The following ZNF395 variants were observed in gnomAD, a reference collection of about 807,000 sequenced individuals.
ZNF395 encodes the protein HD gene regulatory region-binding protein 2.
ZNF395 carries 20 observed loss-of-function variants against 57.7 expected under a neutral mutation model. That is an observed-to-expected ratio of 0.35 (90% CI 0.24 to 0.50). ZNF395 has a LOEUF of 0.50. ZNF395 is among the 20% of genes least tolerant of loss of function. The pLI is 0.97. For missense variants in ZNF395, 606 were observed against 671.2 expected, an observed-to-expected ratio of 0.90 and a Z score of 1.07; for synonymous variants, 295 against 275.9, an observed-to-expected ratio of 1.07 and a Z score of -0.69.
chr8:28,349,022 T>C, intron 9 of ZNF395, 103 bp downstream of exon 9: 1 of 1,272,928 alleles, frequency 7.9e-7, no homozygotes, highest in African/African-American at 1.5e-5. Context: ...GGCTCCTCTC[T>C]GGGGACTAAC....
chr8:28,360,648 G>A (rs932761102), intron 2 of ZNF395, among the ~76,000 whole-genome samples: 9 of 152,236 alleles, frequency 5.9e-5, no homozygotes, highest in Non-Finnish European at 8.8e-5. Flanking sequence ...AGCCCACAGC[G>A]TCTGATGCTA....
intron 1 of ZNF395, among the ~76,000 whole-genome samples, chr8:28,364,437 A>C (rs1240240959): frequency 6.6e-6 from 1 of 152,194 alleles, no homozygotes; most frequent in East Asian, 1.9e-4. Context: ...AGATCACTTG[A>C]GGTCGGGAGG....
rs1341654705 is a variant in ZNF395 at position 28,352,651 on chromosome 8, T to A, written c.842A>T (p.Lys281Met). ...TTTGCCACAGTTTGGCCACAGGCACTTGTACATCACCTTCACAGAGTTCTA... is the reference window on the plus strand; with the variant it reads ...TTTGCCACAGTTTGGCCACAGGCACATGTACATCACCTTCACAGAGTTCTA... ...KRKNSVKVMY[K>M]CLWPNCGKVL... The change falls in exon 6 of 10, where the codon AAG (lysine) becomes ATG (methionine). Residue 281 changes from lysine to methionine, a missense_variant. Lys to Met is a moderately conservative substitution (Grantham distance 95, BLOSUM62 -1). This residue lies in a region of ZNF395 where 309 missense variants were observed against 374.7 expected (regional missense o/e 0.82). Transcript: ENST00000344423. This position sits in a 1 kb window ranked among gnomAD's most constrained non-coding sequence, Gnocchi z 4.0. The A allele has an allele frequency of 2.5e-6, 4 of 1,614,170 alleles. No homozygotes were observed. Among genetic ancestry groups the A allele is most frequent in the Non-Finnish European group, 2.5e-6 (3 of 1,179,996 alleles).
At chr8:28,357,904 G>T (rs1163188260) in intron 3 of ZNF395, among the ~76,000 whole-genome samples, 2 of 152,076 alleles carry the variant, frequency 1.3e-5, no homozygotes, top group African/African-American at 4.8e-5. Flanking sequence ...AATCTTAAAA[G>T]ATCAATGTAC....
rs1027748300 is a variant in ZNF395, at chr8:28,356,874, C to T, written c.474-95G>A. On this transcript the variant is annotated intron_variant, in intron 3 of 9. Transcript: ENST00000344423. This position sits in a 1 kb window ranked among gnomAD's most constrained non-coding sequence, Gnocchi z 4.0. ...GACACCACTTCTGGCTGGTTTCACA[C>T]AATCATCTTACACTTCTGGACTGTC... The T allele has an allele frequency of 1.0e-5, 10 of 975,120 alleles. No individual in the cohort carries two copies. In the African/African-American group the frequency reaches 1.3e-4, roughly 13 times the overall value. 60.4% of individuals were successfully genotyped at this position (975,120 alleles called of 1,614,324 possible). A position where few individuals can be genotyped will look rare whatever the true frequency, so the allele number is the denominator to read the frequency against.
chr8:28,357,008 T>C (rs1801788594), intron 3 of ZNF395, among the ~76,000 whole-genome samples: 1 of 152,194 alleles, frequency 6.6e-6, no homozygotes, highest in Non-Finnish European at 1.5e-5. Context: ...TTCTGAGTGA[T>C]GCTTCTAATA....
chr8:28,349,011 G>T, intron 9 of ZNF395, 114 bp downstream of exon 9: 2 of 1,199,828 alleles, frequency 1.7e-6, no homozygotes, highest in Non-Finnish European at 2.4e-6. Flanking sequence ...TCCGCCATCT[G>T]GGCTCCTCTC....
rs1264241708 is a variant in ZNF395 at position 28,356,298 on chromosome 8, A to G, written c.583+372T>C. Among the ~76,000 whole-genome samples, 1 of 152,214 alleles carries G rather than the reference A, an allele frequency of 6.6e-6. No individual in the cohort carries two copies. The highest frequency in any genetic ancestry group is 1.5e-5 in the Non-Finnish European group (1 of 68,036). On this transcript the variant is annotated intron_variant, in intron 4 of 9. Transcript: ENST00000344423. The surrounding 1 kb of genome is among the most constrained non-coding windows in gnomAD (Gnocchi z 4.0). The stretch of plus-strand genomic sequence containing the variant: ...ATGAGGGCATGAATTTTCTGAGGCC[A>G]CTAGGAGACCATTTAGCATATTGCT...
In ZNF395 at chr8:28,348,412, G is replaced by C. The variant is rs147774802; in HGVS notation, c.*307C>G. 3 of 373,488 alleles carry C rather than the reference G, an allele frequency of 8.0e-6. No homozygotes were observed. Among genetic ancestry groups the C allele is most frequent in the Non-Finnish European group, 1.5e-5 (3 of 195,688 alleles). The allele number at this position is 373,488 out of a possible 1,614,324, so 23.1% of individuals were successfully genotyped here. A position where few individuals can be genotyped will look rare whatever the true frequency, so the allele number is the denominator to read the frequency against. On this transcript the variant is annotated 3_prime_UTR_variant, in exon 10 of 10. Coordinates refer to ENST00000344423, the MANE Select transcript of ZNF395 (RefSeq NM_018660.3). ...TTGACACGCACAAGCTAATCCCCTA[G>C]AGAGTGGGGATGTGGGAAACGGAGG...
chr8:28,353,291 T>TGGGGGGGGGGG lies in ZNF395; in HGVS notation c.700_701insCCCCCCCCCCC (p.His234ProfsTer47). 2.2e-6 allele frequency: 1 copy of TGGGGGGGGGGG among 445,382 alleles called. No individual in the cohort carries two copies. The allele number at this position is 445,382 out of a possible 1,614,324, so 27.6% of individuals were successfully genotyped here. On this transcript the variant is annotated frameshift_variant, in exon 5 of 10. Coordinates refer to ENST00000344423, the MANE Select transcript of ZNF395 (RefSeq NM_018660.3). LOFTEE classifies it high-confidence loss of function. The stretch of plus-strand genomic sequence containing the variant: ...CAAATACTTGGGGCTGGCCTGGGGG[T>TGGGGGGGGGGG]GGGGGGGCGAGGGGGTGGAGACACC...
rs771732301 is a variant in ZNF395 at position 28,351,776 on chromosome 8, C to G, written c.952G>C (p.Glu318Gln). The change falls in exon 7 of 10, where the codon GAG becomes CAG. Residue 318 changes from glutamate to glutamine, a missense_variant. Glu to Gln is a conservative substitution (Grantham distance 29, BLOSUM62 2). This residue lies in a region of ZNF395 where 261 missense variants were observed against 240.3 expected (regional missense o/e 1.09). Coordinates refer to ENST00000344423, the MANE Select transcript of ZNF395 (RefSeq NM_018660.3). ...DTVDSDQFKR[E>Q]EDFYYTEVQL... ...ACCTCTGTGTAGTAGAAATCCTCCT[C>G]CCGCTTGAACTGATCAGAGTCCACT... is the stretch of plus-strand genomic sequence containing the variant. 1 of 1,578,324 alleles carries G rather than the reference C, an allele frequency of 6.3e-7. No individual in the cohort carries two copies. The highest frequency in any genetic ancestry group is 1.1e-5 in the South Asian group (1 of 87,254).
At chr8:28,374,241 G>A (rs1188121910) in intron 1 of ZNF395, among the ~76,000 whole-genome samples, 1 of 152,188 alleles carries the variant, frequency 6.6e-6, no homozygotes, top group Non-Finnish European at 1.5e-5. Flanking sequence ...GAGACCTTAC[G>A]TAATCCACAG....
At chr8:28,366,186 TA>T (rs1490450807) in intron 1 of ZNF395, among the ~76,000 whole-genome samples, 7 of 152,202 alleles carry the variant, frequency 4.6e-5, no homozygotes, top group Admixed American at 4.6e-4. Flanking sequence ...ATGAATAATT[TA>T]TAGGTCAACT....
chr8:28,361,287 C>A, intron 1 of ZNF395, 105 bp from the exon 2 acceptor site: 2 of 949,954 alleles, frequency 2.1e-6, no homozygotes, highest in South Asian at 1.7e-5. Context: ...AGCATCCTTC[C>A]CTTTTACAAA....
intron 1 of ZNF395, among the ~76,000 whole-genome samples, chr8:28,364,744 G>C (rs547930622): frequency 2.0e-5 from 3 of 151,900 alleles, no homozygotes; most frequent in South Asian, 2.1e-4. Flanking sequence ...CAGCCTGGGA[G>C]ACAGGCGGAG....
intron 1 of ZNF395, among the ~76,000 whole-genome samples, chr8:28,378,276 G>C (rs58335147): frequency 3.3e-5 from 5 of 152,192 alleles, no homozygotes; most frequent in South Asian, 2.1e-4. Flanking sequence ...CCAGGCTGGA[G>C]TGCAGTGTGC....
intron 8 of ZNF395, among the ~76,000 whole-genome samples, 167 bp downstream of exon 8, chr8:28,349,897 G>A (rs1352424829): frequency 4.6e-5 from 7 of 152,346 alleles, no homozygotes; most frequent in Admixed American, 2.0e-4. Context: ...GAGTGCCAGG[G>A]AGGGGGCAGC....
At chr8:28,385,244 G>C (rs1802157697) in intron 1 of ZNF395, 1 of 152,804 alleles carries the variant, frequency 6.5e-6, no homozygotes, top group East Asian at 1.9e-4. Context: ...GCCCAAAACC[G>C]GGAGGCGGCG....
chr8:28,377,465 TC>T, intron 1 of ZNF395, among the ~76,000 whole-genome samples: 1 of 152,200 alleles, frequency 6.6e-6, no homozygotes. Context: ...ACATATGTTT[TC>T]CTGGAAAATC....
Sources: gnomAD v4.1 joint callset for allele counts (sites outside exome capture counted in the v4.1 genomes callset) on GRCh38, gnomAD v4.1.1 for gene constraint, gnomAD v4.1.1 regional missense constraint, Gnocchi (gnomAD v3.1) non-coding constraint, MANE v1.5 for transcripts, NCBI Gene and HGNC (gene_info 2026-07-23, HGNC 2026-07-21) for gene names.